Variants in IREB2 observed in about 807,000 individuals in gnomAD.
IREB2 encodes iron responsive element binding protein 2.
IREB2 carries 39 observed loss-of-function variants against 118.8 expected under a neutral mutation model. The observed-to-expected ratio is 0.33, with a 90% CI of 0.25 to 0.43. The LOEUF is 0.43. Ranked by LOEUF, IREB2 falls within the 20% of genes least tolerant of loss-of-function variation. The pLI is 1.00. For synonymous variants in IREB2, 372 were observed against 392.2 expected, an observed-to-expected ratio of 0.95 and a Z score of 0.61; for missense variants, 900 against 1,147.3, an observed-to-expected ratio of 0.78 and a Z score of 3.11.
At chr15:78,442,507 A>G (rs1462810869) in intron 2 of IREB2, among the ~76,000 whole-genome samples, 1 of 152,212 alleles carries the variant, frequency 6.6e-6, no homozygotes, top group Non-Finnish European at 1.5e-5. Context: ...TGACTGTTGT[A>G]ATGAGTAACG....
rs755412387 is a variant in IREB2 at position 78,476,257 on chromosome 15, A to G, written c.1093A>G (p.Ile365Val). 2.0e-5 allele frequency: 32 copies of G among 1,609,610 alleles called. No homozygotes were observed. In the East Asian group the frequency reaches 2.5e-4, roughly 12 times the overall value. ...TGGAAGTGGAGTTTCACAATTATCTATAGTTGATCGAACTACAATAGCAAA... is the reference window on the plus strand; with the variant it reads ...TGGAAGTGGAGTTTCACAATTATCTGTAGTTGATCGAACTACAATAGCAAA... Reference protein sequence around the residue: ...FFGSGVSQLSIVDRTTIANMC... With the variant: ...FFGSGVSQLSVVDRTTIANMC... The change falls in exon 9 of 22, where the codon ATA (isoleucine) becomes GTA (valine). Residue 365 changes from isoleucine to valine, a missense_variant. Ile to Val is a conservative substitution (Grantham distance 29, BLOSUM62 3). Transcript: ENST00000258886.
chr15:78,488,075 G>T, intron 14 of IREB2, 105 bp from the exon 15 acceptor site: 1 of 1,034,930 alleles, frequency 9.7e-7, no homozygotes, highest in Non-Finnish European at 1.4e-6. Flanking sequence ...TATGTTTTTT[G>T]GTTAATCTCG....
At chr15:78,487,463 T>G (rs564590562) in intron 13 of IREB2, among the ~76,000 whole-genome samples, 2 of 152,272 alleles carry the variant, frequency 1.3e-5, no homozygotes, top group African/African-American at 4.8e-5. Flanking sequence ...GGCGAGCGCC[T>G]GTGGCCCCAG....
chr15:78,449,339 A>T (rs2050984538), intron 2 of IREB2, among the ~76,000 whole-genome samples: 2 of 152,242 alleles, frequency 1.3e-5, no homozygotes, highest in Admixed American at 1.3e-4. Flanking sequence ...CAGAAGCATG[A>T]ACAAAAATCT....
chr15:78,493,122 G>A (rs771939162), intron 18 of IREB2, among the ~76,000 whole-genome samples: 1 of 152,146 alleles, frequency 6.6e-6, no homozygotes, highest in African/African-American at 2.4e-5. Context: ...ACAGAAGGCA[G>A]AAGAACATGT....
At chr15:78,446,238 A>G (rs2050926933) in intron 2 of IREB2, among the ~76,000 whole-genome samples, 1 of 152,186 alleles carries the variant, frequency 6.6e-6, no homozygotes, top group Non-Finnish European at 1.5e-5. Flanking sequence ...TTTGCTTGTA[A>G]TTTGTACACA....
At chr15:78,454,163 G>A (rs540542038) in intron 2 of IREB2, among the ~76,000 whole-genome samples, 9 of 152,274 alleles carry the variant, frequency 5.9e-5, no homozygotes, top group African/African-American at 1.2e-4. Context: ...AATTTACCAC[G>A]TAGCCCAGCA....
At chr15:78,475,088 C>G (rs1046919728) in intron 8 of IREB2, 2 of 132,212 alleles carry the variant, frequency 1.5e-5, no homozygotes, top group African/African-American at 5.8e-5. Flanking sequence ...AAAAAAAAAC[C>G]ATAAATGAGG....
At chr15:78,441,191 G>A (rs1351593283) in intron 2 of IREB2, among the ~76,000 whole-genome samples, 1 of 152,124 alleles carries the variant, frequency 6.6e-6, no homozygotes, top group African/African-American at 2.4e-5. Context: ...CTATTTTGGA[G>A]TATCTTAAAG....
intron 5 of IREB2, among the ~76,000 whole-genome samples, chr15:78,468,204 A>G (rs1473095357): frequency 6.6e-6 from 1 of 152,178 alleles, no homozygotes; most frequent in Non-Finnish European, 1.5e-5. Context: ...CTTAGTTTAA[A>G]TAATTCATGT....
chr15:78,440,123 A>C (rs1046218484), intron 2 of IREB2, among the ~76,000 whole-genome samples: 2 of 152,164 alleles, frequency 1.3e-5, no homozygotes, highest in African/African-American at 4.8e-5. Context: ...TTCCCCTCAA[A>C]GAAACCAATA....
intron 4 of IREB2, 122 bp from the exon 5 acceptor site, chr15:78,466,149 C>A: frequency 1.7e-6 from 1 of 585,992 alleles, no homozygotes; most frequent in South Asian, 2.3e-5. Context: ...TTAAATGATA[C>A]ATTAGCCTTT....
chr15:78,497,697 A>G (rs2051861814), intron 21 of IREB2, among the ~76,000 whole-genome samples: 1 of 152,232 alleles, frequency 6.6e-6, no homozygotes, highest in South Asian at 2.1e-4. Flanking sequence ...TACAACTAAG[A>G]AAAAAGGGGA....
intron 1 of IREB2, chr15:78,438,611 C>T (rs1419924181): frequency 6.0e-6 from 3 of 497,952 alleles, no homozygotes; most frequent in Non-Finnish European, 1.1e-5. Flanking sequence ...ACCCGCACCC[C>T]TCTCTCTCCG....
At chr15:78,474,926 G>C (rs1325899811) in intron 8 of IREB2, 1 of 151,520 alleles carries the variant, frequency 6.6e-6, no homozygotes, top group Non-Finnish European at 1.5e-5. Context: ...GCGGTGGCGG[G>C]CGCCTGTAGT....
At chr15:78,464,715 T>TA (rs1359157103) in intron 3 of IREB2, among the ~76,000 whole-genome samples, 50 of 152,328 alleles carry the variant, frequency 3.3e-4, no homozygotes, top group Admixed American at 3.0e-3. Flanking sequence ...TTATAGTACT[T>TA]ACGATACTAT....
At chr15:78,465,437 G>A in intron 4 of IREB2, 49 bp downstream of exon 4, 1 of 1,517,010 alleles carries the variant, frequency 6.6e-7, no homozygotes, top group Middle Eastern at 1.7e-4. Context: ...TAATTGGCTG[G>A]AAATGTGTCA....
intron 18 of IREB2, among the ~76,000 whole-genome samples, chr15:78,491,255 A>G (rs1251394163): frequency 6.6e-6 from 1 of 152,198 alleles, no homozygotes; most frequent in African/African-American, 2.4e-5. Flanking sequence ...TATAGGAACA[A>G]TAAACGTAAA....
intron 13 of IREB2, among the ~76,000 whole-genome samples, chr15:78,486,721 G>A (rs781634334): frequency 6.6e-6 from 1 of 152,160 alleles, no homozygotes; most frequent in African/African-American, 2.4e-5. Flanking sequence ...CCACACTGGA[G>A]TGCAGTGGTG....
Sources: allele counts gnomAD v4.1 joint callset (sites outside exome capture counted in the v4.1 genomes callset), GRCh38; gene constraint gnomAD v4.1.1; transcripts MANE v1.5; gene names NCBI Gene and HGNC (gene_info 2026-07-23, HGNC 2026-07-21).